DPP10: variants seen among roughly 807,000 people sequenced by gnomAD.
The protein encoded by DPP10 is dipeptidyl peptidase like 10.
DPP10 carries 33 observed loss-of-function variants against 120.9 expected under a neutral mutation model. That is an observed-to-expected ratio of 0.27 (90% CI 0.21 to 0.37). DPP10 has a LOEUF of 0.37. Among genes scored for constraint, DPP10 ranks in the 10% least tolerant of loss-of-function variants. DPP10 has a pLI of 1.00. For missense variants in DPP10, 816 were observed against 942.8 expected (o/e 0.87, Z 1.76); for synonymous variants, 337 against 326.1 (o/e 1.03, Z -0.36).
intron 3 of DPP10, among the ~76,000 whole-genome samples, chr2:115,484,885 A>G (rs913864661): frequency 2.0e-5 from 3 of 152,130 alleles, no homozygotes; most frequent in African/African-American, 4.8e-5. Context: ...TGACTTATCT[A>G]TCAATTCTTA....
At chr2:114,503,516 T>G (rs1683379682) in intron 1 of DPP10, among the ~76,000 whole-genome samples, 1 of 152,124 alleles carries the variant, frequency 6.6e-6, no homozygotes, top group Admixed American at 6.5e-5. Context: ...CATACTGAAG[T>G]GAAAGTCAGT....
At chr2:114,555,327 C>T (rs1315276738) in intron 1 of DPP10, among the ~76,000 whole-genome samples, 9 of 152,148 alleles carry the variant, frequency 5.9e-5, no homozygotes, top group East Asian at 1.9e-4. Flanking sequence ...CCATTTTCAG[C>T]AACAGGGACT....
intron 1 of DPP10, among the ~76,000 whole-genome samples, chr2:115,122,025 T>C (rs1474288725): frequency 6.6e-6 from 1 of 152,206 alleles, no homozygotes; most frequent in Non-Finnish European, 1.5e-5. Context: ...ATTAACTATA[T>C]GTGCAGAAAG....
At chr2:114,856,708 G>A (rs1415472621) in intron 1 of DPP10, among the ~76,000 whole-genome samples, 1 of 152,104 alleles carries the variant, frequency 6.6e-6, no homozygotes, top group Non-Finnish European at 1.5e-5. Flanking sequence ...TGAAAAACCA[G>A]AAAAATGACT....
At chr2:115,335,568 T>C (rs2063075974) in intron 2 of DPP10, among the ~76,000 whole-genome samples, 1 of 152,006 alleles carries the variant, frequency 6.6e-6, no homozygotes, top group Non-Finnish European at 1.5e-5. Flanking sequence ...GAATTTATAT[T>C]TCATATGTTA....
chr2:115,643,665 G>A (rs1462355916), intron 5 of DPP10, among the ~76,000 whole-genome samples: 1 of 152,110 alleles, frequency 6.6e-6, no homozygotes, highest in Non-Finnish European at 1.5e-5. Context: ...ATTAGTTTTT[G>A]CCTGCAAATG....
chr2:115,381,892 A>C (rs1276811120), intron 3 of DPP10, among the ~76,000 whole-genome samples: 2 of 151,872 alleles, frequency 1.3e-5, no homozygotes, highest in Non-Finnish European at 2.9e-5. Context: ...GACCCACTTG[A>C]GGAGGCAGTC....
intron 7 of DPP10, among the ~76,000 whole-genome samples, chr2:115,703,210 TTTA>T (rs567393076): frequency 6.6e-6 from 1 of 151,756 alleles, no homozygotes; most frequent in African/African-American, 2.4e-5. Flanking sequence ...TTTAAATTTA[TTTA>T]TTATTATTAT....
At chr2:115,570,362 T>G (rs928120617) in intron 5 of DPP10, among the ~76,000 whole-genome samples, 2 of 152,220 alleles carry the variant, frequency 1.3e-5, no homozygotes, top group African/African-American at 4.8e-5. Context: ...TTAATCACCC[T>G]AACAGTTTTA....
rs143675844 is a variant in DPP10 at position 115,682,200 on chromosome 2, G to C, written c.442-7487G>C. On this transcript the variant is annotated intron_variant, in intron 5 of 25. Transcript: ENST00000410059. ...ATCGCTTGTACTACTTTCAGTAATT[G>C]ATTTTAAATGCCATTCAGGTTATCA... Among the ~76,000 whole-genome samples the C allele has an allele frequency of 5.0e-3, 763 of 152,002 alleles. 1 individual carries two copies. The highest frequency in any genetic ancestry group is 0.017 in the Middle Eastern group (5 of 294).
intron 1 of DPP10, among the ~76,000 whole-genome samples, chr2:115,166,349 T>C (rs2052844623): frequency 6.6e-6 from 1 of 151,222 alleles, no homozygotes; most frequent in Admixed American, 6.6e-5. Context: ...ACATATAAAA[T>C]GTCATATTTA....
chr2:115,225,765 C>T (rs986854066), intron 1 of DPP10, among the ~76,000 whole-genome samples: 3 of 151,626 alleles, frequency 2.0e-5, no homozygotes, highest in African/African-American at 7.3e-5. Flanking sequence ...TTACTTTAAT[C>T]AGCATATATT....
At chr2:114,630,350 T>A (rs1032047301) in intron 1 of DPP10, among the ~76,000 whole-genome samples, 1 of 152,186 alleles carries the variant, frequency 6.6e-6, no homozygotes, top group Non-Finnish European at 1.5e-5. Flanking sequence ...AGGGGTTTTT[T>A]ATTCTGTCCA....
rs1259897402 is a variant in DPP10 at position 115,003,760 on chromosome 2, A to G, written c.61-305479A>G. Among the ~76,000 whole-genome samples the G allele has an allele frequency of 4.6e-5, 7 of 152,276 alleles. No individual in the cohort carries two copies. In the East Asian group the frequency reaches 1.2e-3, roughly 25 times the overall value. ...TAGATATTGACCAAAATTTTTATAG[A>G]AAGAGATTAATGAATAAGCTTAAAT... On this transcript the variant is annotated intron_variant, in intron 1 of 25. Coordinates refer to ENST00000410059, the MANE Select transcript of DPP10 (RefSeq NM_020868.6).
chr2:115,764,244 ATACT>A (rs1413895544), intron 12 of DPP10, among the ~76,000 whole-genome samples: 1 of 152,112 alleles, frequency 6.6e-6, no homozygotes, highest in African/African-American at 2.4e-5. Context: ...AGCTTAATAG[ATACT>A]TACTGAGTGA....
intron 19 of DPP10, among the ~76,000 whole-genome samples, chr2:115,800,940 A>T (rs1685154558): frequency 1.3e-5 from 2 of 151,950 alleles, no homozygotes; most frequent in Non-Finnish European, 1.5e-5. Context: ...TTCCATATGA[A>T]CTTTAAAGTA....
At chr2:115,163,461 T>A (rs2052592935) in intron 1 of DPP10, among the ~76,000 whole-genome samples, 1 of 152,214 alleles carries the variant, frequency 6.6e-6, no homozygotes, top group African/African-American at 2.4e-5. Context: ...TACAAAGCAT[T>A]TGTTTTCTTA....
chr2:114,472,077 CT>C (rs1312160156), intron 1 of DPP10, among the ~76,000 whole-genome samples: 47 of 152,274 alleles, frequency 3.1e-4, no homozygotes, highest in African/African-American at 1.1e-3. Context: ...AGGCAGGAGA[CT>C]GTTTAAATGC....
chr2:114,600,826 C>T (rs750933569), intron 1 of DPP10, among the ~76,000 whole-genome samples: 2 of 151,824 alleles, frequency 1.3e-5, no homozygotes, highest in Non-Finnish European at 2.9e-5. Flanking sequence ...TGTTTTATCT[C>T]ACTTAAACTG....
Sources: allele counts gnomAD v4.1 joint callset (sites outside exome capture counted in the v4.1 genomes callset), GRCh38; gene constraint gnomAD v4.1.1; transcripts MANE v1.5; gene names NCBI Gene and HGNC (gene_info 2026-07-23, HGNC 2026-07-21).